GBP7: variants seen among roughly 807,000 people sequenced by gnomAD.
The protein encoded by GBP7 is guanylate-binding protein 7.
Under a neutral mutation model 61.3 loss-of-function variants are expected in GBP7, and 43 were observed. That is an observed-to-expected ratio of 0.70 (90% CI 0.55 to 0.91). The LOEUF is 0.91. Among genes scored for constraint, GBP7 ranks in the 40% least tolerant of loss-of-function variants. The pLI, the probability that GBP7 is intolerant of heterozygous loss-of-function variation, is 0.00. For synonymous variants in GBP7, 267 were observed against 271.0 expected (o/e 0.99, Z 0.14); for missense variants, 717 against 740.5 (o/e 0.97, Z 0.37).
chr1:89,149,816 T>C (rs1001963518), intron 6 of GBP7, among the ~76,000 whole-genome samples: 3 of 152,164 alleles, frequency 2.0e-5, no homozygotes, highest in Non-Finnish European at 4.4e-5. Context: ...CATTACAAAG[T>C]TAATTACTAA....
chr1:89,158,830 T>G (rs1217138654), intron 3 of GBP7, among the ~76,000 whole-genome samples: 5 of 152,130 alleles, frequency 3.3e-5, no homozygotes, highest in Non-Finnish European at 7.4e-5. Context: ...AAGCTACCAA[T>G]GACTTTCTTC....
At chr1:89,133,166 T>C (rs927820491) in intron 10 of GBP7, 92 bp downstream of exon 10, 1 of 863,800 alleles carries the variant, frequency 1.2e-6, no homozygotes, top group Non-Finnish European at 1.9e-6. Flanking sequence ...TGTTTCCTTC[T>C]GAAATCTTGA....
At chr1:89,137,081 T>C (rs1681824122) in intron 9 of GBP7, among the ~76,000 whole-genome samples, 1 of 151,988 alleles carries the variant, frequency 6.6e-6, no homozygotes, top group South Asian at 2.1e-4. Context: ...CCTGGAAACA[T>C]ACAACCTACC....
chr1:89,152,805 A>G, intron 3 of GBP7, 28 bp from the exon 4 acceptor site: 1 of 1,152,106 alleles, frequency 8.7e-7, no homozygotes. Flanking sequence ...AAAAAAAAAA[A>G]TGGAAGCCAC....
At chr1:89,156,278 G>A (rs548488046) in intron 3 of GBP7, among the ~76,000 whole-genome samples, 3 of 152,278 alleles carry the variant, frequency 2.0e-5, no homozygotes, top group Admixed American at 6.5e-5. Flanking sequence ...ATCTATGCTA[G>A]GAAGAAACTG....
chr1:89,150,526 C>T lies in GBP7; in HGVS notation c.675G>A (p.Arg225=). Reference sequence around the variant, plus strand: ...AGCACTTCTGTTTTGGAAAGAAATGCCTGATCCACTCCCTGGGCTTGTTAG... The same window carrying T: ...AGCACTTCTGTTTTGGAAAGAAATGTCTGATCCACTCCCTGGGCTTGTTAG... ...QNSNKPREWI[R]HFFPKQKCFV... The change falls in exon 6 of 11, where the codon AGG becomes AGA. Residue 225 remains arginine (R), a synonymous_variant. Transcript: ENST00000294671. The T allele has an allele frequency of 6.2e-7, 1 of 1,613,900 alleles. No homozygotes were observed. The highest frequency in any genetic ancestry group is 8.5e-7 in the Non-Finnish European group (1 of 1,179,804).
rs373675011 is a variant in GBP7, at chr1:89,171,684, C to CTAGA, written c.190+58_190+61dup. On this transcript the variant is annotated intron_variant, in intron 2 of 10. Transcript: ENST00000294671. ...AACTTTCTCTCATCCCATCTTCATACTAGATACTGACTGTGTAACTGGACA... is the reference window on the plus strand; with the variant it reads ...AACTTTCTCTCATCCCATCTTCATACTAGATAGATACTGACTGTGTAACTGGACA... 1,343 of 1,449,124 alleles carry CTAGA rather than the reference C, an allele frequency of 9.3e-4. 6 individuals are homozygous for CTAGA. In the African/African-American group the frequency reaches 0.016, roughly 18 times the overall value. 89.8% of individuals were successfully genotyped at this position (1,449,124 alleles called of 1,614,324 possible).
chr1:89,150,217 C>A, intron 6 of GBP7, 113 bp downstream of exon 6: 1 of 986,092 alleles, frequency 1.0e-6, no homozygotes, highest in African/African-American at 1.6e-5. Context: ...TATCCCACAC[C>A]TCATAACACA....
chr1:89,155,817 G>A (rs1029054296), intron 3 of GBP7, among the ~76,000 whole-genome samples: 4 of 152,176 alleles, frequency 2.6e-5, no homozygotes, highest in African/African-American at 7.2e-5. Context: ...CCCCAACCTA[G>A]CAAGGCAGGC....
At chr1:89,142,898 A>G (rs1445724648) in intron 8 of GBP7, among the ~76,000 whole-genome samples, 1 of 152,054 alleles carries the variant, frequency 6.6e-6, no homozygotes, top group Non-Finnish European at 1.5e-5. Flanking sequence ...ATTCACTTTC[A>G]TTGTGATATA....
Position 89,132,326 on chromosome 1 carries a change from T to C in GBP7, c.1740A>G (p.Glu580=). ...SLNEEINRLK[E]QIEAAENEEP... is the part of the protein sequence containing the mutation. ...CTTCATTTTCAGCTGCTTCAATTTG[T>C]TCTTTCAGTCGATTAATCTCTTCAT... Residue 580 remains glutamate (E), a synonymous_variant, in exon 11 of 11, where the codon GAA becomes GAG. Coordinates refer to ENST00000294671, the MANE Select transcript of GBP7 (RefSeq NM_207398.3). 6.2e-7 allele frequency: 1 copy of C among 1,613,816 alleles called. No homozygotes were observed. Among genetic ancestry groups the C allele is most frequent in the South Asian group, 1.1e-5 (1 of 91,078 alleles).
chr1:89,172,575 C>G (rs755299410), intron 1 of GBP7, among the ~76,000 whole-genome samples: 21 of 151,908 alleles, frequency 1.4e-4, no homozygotes, highest in Non-Finnish European at 2.9e-4. Flanking sequence ...TTTTCAGTGT[C>G]TTGTATTAAG....
intron 3 of GBP7, among the ~76,000 whole-genome samples, chr1:89,159,173 A>T (rs1339266031): frequency 6.6e-6 from 1 of 152,202 alleles, no homozygotes; most frequent in Non-Finnish European, 1.5e-5. Flanking sequence ...AGAAAGCTGA[A>T]ACTGGATCCC....
chr1:89,144,277 T>C (rs775754353), intron 8 of GBP7, among the ~76,000 whole-genome samples: 2 of 152,238 alleles, frequency 1.3e-5, no homozygotes, highest in Non-Finnish European at 2.9e-5. Context: ...CAGTCTACTA[T>C]TGATGGGCGC....
intron 2 of GBP7, among the ~76,000 whole-genome samples, chr1:89,166,104 T>G (rs1647429813): frequency 6.6e-6 from 1 of 152,192 alleles, no homozygotes. Flanking sequence ...GTCTAATGTA[T>G]TTTGTCATAG....
intron 1 of GBP7, 21 bp from the exon 2 acceptor site, chr1:89,171,975 G>A: frequency 6.5e-7 from 1 of 1,534,322 alleles, no homozygotes; most frequent in Non-Finnish European, 9.0e-7. Flanking sequence ...AAAATGAAAT[G>A]GAAAGTAATG....
chr1:89,168,429 A>G (rs1055761705), intron 2 of GBP7, among the ~76,000 whole-genome samples: 1 of 152,170 alleles, frequency 6.6e-6, no homozygotes, highest in African/African-American at 2.4e-5. Context: ...TAACCTTTTA[A>G]AAAATATTCC....
At chr1:89,172,050 A>G (rs1352853467) in intron 1 of GBP7, 96 bp from the exon 2 acceptor site, 1 of 877,798 alleles carries the variant, frequency 1.1e-6, no homozygotes, top group East Asian at 2.5e-5. Flanking sequence ...ATTCTTGAAC[A>G]TTGTTTCTTG....
intron 9 of GBP7, among the ~76,000 whole-genome samples, chr1:89,136,373 G>T (rs964197323): frequency 1.3e-5 from 2 of 151,954 alleles, no homozygotes; most frequent in African/African-American, 4.8e-5. Flanking sequence ...CATCTCATCT[G>T]CACATGGCAC....
Sources: gnomAD v4.1 joint callset for allele counts (sites outside exome capture counted in the v4.1 genomes callset) on GRCh38, gnomAD v4.1.1 for gene constraint, MANE v1.5 for transcripts, NCBI Gene and HGNC (gene_info 2026-07-23, HGNC 2026-07-21) for gene names.